RTN4: variants seen among roughly 807,000 people sequenced by gnomAD.
RTN4 encodes reticulon 4.
In RTN4, 32 loss-of-function variants were observed where a neutral mutation model predicts 90.4. The observed-to-expected ratio is 0.35, with a 90% CI of 0.27 to 0.48. RTN4 has a LOEUF of 0.48. RTN4 is among the 20% of genes least tolerant of loss of function. The pLI is 0.99. For missense variants in RTN4, 1,706 were observed against 1,430.2 expected (o/e 1.19, Z -3.11); for synonymous variants, 629 against 552.5 (o/e 1.14, Z -1.94).
intron 3 of RTN4, among the ~76,000 whole-genome samples, chr2:54,988,645 G>T (rs1678768687): frequency 1.3e-5 from 2 of 151,998 alleles, no homozygotes. Flanking sequence ...AAAACAAACA[G>T]CCTTTCGATT....
In RTN4 at chr2:54,973,016, C is replaced by T. The variant is rs199657090; in HGVS notation, c.*140G>A. 6 of 645,190 alleles carry T rather than the reference C, an allele frequency of 9.3e-6. No homozygotes were observed. The highest frequency in any genetic ancestry group is 2.5e-4 in the Middle Eastern group (1 of 3,978). 40.0% of individuals were successfully genotyped at this position (645,190 alleles called of 1,614,324 possible). On this transcript the variant is annotated 3_prime_UTR_variant, in exon 9 of 9. Transcript: ENST00000337526. ...CAGGTAATTTTTCCTCACAACAGTG[C>T]ATGGCTAAAAATAAAGATCTAACAA... is the stretch of plus-strand genomic sequence containing the variant.
At chr2:55,044,143 C>G (rs1683257630) in intron 1 of RTN4, among the ~76,000 whole-genome samples, 1 of 152,012 alleles carries the variant, frequency 6.6e-6, no homozygotes, top group African/African-American at 2.4e-5. Context: ...TGCAGTGAGC[C>G]AAGACTGCAC....
upstream of RTN4, among the ~76,000 whole-genome samples, chr2:55,053,610 T>C (rs1473625637): frequency 6.7e-6 from 1 of 150,226 alleles, no homozygotes; most frequent in African/African-American, 2.5e-5. Context: ...TGCTTGGACC[T>C]GAGAGGCAGG....
At chr2:55,134,235 T>C in the RTN4 span, among the ~76,000 whole-genome samples, 4 of 152,324 alleles carry the variant, frequency 2.6e-5, no homozygotes, top group East Asian at 7.7e-4. Flanking sequence ...TGATTTTCAC[T>C]TGCCTCTTTA....
the RTN4 span, among the ~76,000 whole-genome samples, chr2:55,118,651 A>G: frequency 1.3e-5 from 2 of 152,184 alleles, no homozygotes; most frequent in African/African-American, 4.8e-5. Context: ...ATCTGTGTCA[A>G]GTTGAATCTT....
In RTN4 at chr2:55,049,993, T is replaced by C; in HGVS notation, c.308A>G (p.Glu103Gly). Residue 103 changes from glutamate to glycine, a missense_variant, in exon 1 of 9, where the codon GAG becomes GGG. Physicochemically the swap from Glu to Gly is moderately conservative, Grantham distance 98. Transcript: ENST00000337526. Reference protein sequence around the residue: ...PLPAAPPVAPERQPSWDPSPV... With the variant: ...PLPAAPPVAPGRQPSWDPSPV... ...GCTCGGGTCCCAAGACGGCTGCCGC[T>C]CCGGGGCGACGGGGGGAGCGGCCGG... is the stretch of plus-strand genomic sequence containing the variant. 1 of 1,373,272 alleles carries C rather than the reference T, an allele frequency of 7.3e-7. No individual in the cohort carries two copies. Among genetic ancestry groups the C allele is most frequent in the Non-Finnish European group, 9.3e-7 (1 of 1,071,040 alleles). The allele number at this position is 1,373,272 out of a possible 1,614,324, so 85.1% of individuals were successfully genotyped here. A position where few individuals can be genotyped will look rare whatever the true frequency, so the allele number is the denominator to read the frequency against.
chr2:55,119,942 G>C, the RTN4 span, among the ~76,000 whole-genome samples: 85 of 152,356 alleles, frequency 5.6e-4, no homozygotes, highest in African/African-American at 1.9e-3. Flanking sequence ...ATGCAGGAGG[G>C]TGAAGATGGG....
Position 55,050,306 on chromosome 2 carries a change from G to C in RTN4, c.-6C>G, listed in dbSNP as rs202179239. The C allele has an allele frequency of 5.0e-6, 7 of 1,413,920 alleles. No homozygotes were observed. In the South Asian group the frequency reaches 6.5e-5, roughly 13 times the overall value. 87.6% of individuals were successfully genotyped at this position (1,413,920 alleles called of 1,614,324 possible). The stretch of plus-strand genomic sequence containing the variant: ...GACTGGTCCAGGTCTTCCATGGCTG[G>C]AGGGTGGAGATGATGCTGCAGCTGC... On this transcript the variant is annotated 5_prime_UTR_variant, in exon 1 of 9. Coordinates refer to ENST00000337526, the MANE Select transcript of RTN4 (RefSeq NM_020532.5). The surrounding 1 kb of genome is among the most constrained non-coding windows in gnomAD (Gnocchi z 4.6).
chr2:55,105,555 G>A (rs749412367), intron 1 of RTN4, among the ~76,000 whole-genome samples: 2 of 152,008 alleles, frequency 1.3e-5, no homozygotes, highest in South Asian at 4.1e-4. Flanking sequence ...TTTATTTTAC[G>A]CAAGCTCTGT....
chr2:55,021,391 G>GCCC (rs150666573), intron 3 of RTN4, among the ~76,000 whole-genome samples: 1 of 143,334 alleles, frequency 7.0e-6, no homozygotes, highest in African/African-American at 2.5e-5. Context: ...CTTTTTCCCT[G>GCCC]CCCCCCCCGC....
intron 2 of RTN4, among the ~76,000 whole-genome samples, chr2:55,062,455 G>T (rs1290706533): frequency 1.3e-5 from 2 of 152,206 alleles, no homozygotes; most frequent in African/African-American, 4.8e-5. Context: ...GCGTCTGTGT[G>T]CTCCCCTAGA....
upstream of RTN4, among the ~76,000 whole-genome samples, chr2:55,113,178 C>T (rs1042487724): frequency 6.6e-6 from 1 of 152,184 alleles, no homozygotes; most frequent in East Asian, 1.9e-4. Context: ...AGGCCACCAC[C>T]AAAAGAAGCC....
At chr2:54,997,465 T>C (rs530697506) in intron 3 of RTN4, among the ~76,000 whole-genome samples, 1 of 152,302 alleles carries the variant, frequency 6.6e-6, no homozygotes, top group Non-Finnish European at 1.5e-5. Context: ...GAAAATTAAA[T>C]ACAGAGTTAT....
chr2:54,985,508 T>G lies in RTN4; in HGVS notation c.3221+1983A>C, dbSNP rs368628267. Among the ~76,000 whole-genome samples the G allele has an allele frequency of 3.3e-5, 5 of 152,128 alleles. No individual in the cohort carries two copies. In the East Asian group the frequency reaches 9.6e-4, roughly 29 times the overall value. On this transcript the variant is annotated intron_variant, in intron 4 of 8. Transcript: ENST00000337526. ...ATTTCAAGTTACTGAATTCCAACTT[T>G]TTCCCCATCACCCCATAAAATGGAG... is the stretch of plus-strand genomic sequence containing the variant.
At chr2:54,974,378 C>G (rs776440466) in intron 6 of RTN4, among the ~76,000 whole-genome samples, 2 of 152,236 alleles carry the variant, frequency 1.3e-5, no homozygotes, top group Non-Finnish European at 2.9e-5. Context: ...CTCTTGGGCT[C>G]AAGTGATTCT....
chr2:55,110,000 G>A (rs546149130), intron 1 of RTN4, among the ~76,000 whole-genome samples: 6 of 152,158 alleles, frequency 3.9e-5, no homozygotes, highest in Admixed American at 3.9e-4. Context: ...AATAGTGAAA[G>A]GAACAAAAGA....
chr2:55,059,736 A>G (rs1668256075), intron 2 of RTN4, among the ~76,000 whole-genome samples: 1 of 151,994 alleles, frequency 6.6e-6, no homozygotes, highest in Admixed American at 6.5e-5. Context: ...CAGGAGGCTG[A>G]GGCAGGAGAA....
In RTN4 at chr2:55,049,851, G is replaced by A; in HGVS notation, c.450C>T (p.Ser150=). 7.6e-7 allele frequency: 1 copy of A among 1,311,064 alleles called. No individual in the cohort carries two copies. Among genetic ancestry groups the A allele is most frequent in the Non-Finnish European group, 9.7e-7 (1 of 1,032,990 alleles). The allele number at this position is 1,311,064 out of a possible 1,614,324, so 81.2% of individuals were successfully genotyped here. A position where few individuals can be genotyped will look rare whatever the true frequency, so the allele number is the denominator to read the frequency against. Residue 150 remains serine (S), a synonymous_variant, in exon 1 of 9, where the codon AGC becomes AGT. Coordinates refer to ENST00000337526, the MANE Select transcript of RTN4 (RefSeq NM_020532.5). The stretch of plus-strand genomic sequence containing the variant: ...ACACGGGCTCTGCCTGGGGGCTCAC[G>A]CTGGCCGGGGGAGGAGGGGGAGGCC... The part of the protein sequence containing the change: ...PARPPPPPPA[S]VSPQAEPVWT...
At chr2:55,078,546 G>A (rs192398413) in intron 2 of RTN4, among the ~76,000 whole-genome samples, 2 of 152,298 alleles carry the variant, frequency 1.3e-5, no homozygotes, top group East Asian at 3.9e-4. Flanking sequence ...CCTCATAGGA[G>A]ACTTTAGCCT....
Sources: gnomAD v4.1 joint callset for allele counts (sites outside exome capture counted in the v4.1 genomes callset) on GRCh38, gnomAD v4.1.1 for gene constraint, Gnocchi (gnomAD v3.1) non-coding constraint, MANE v1.5 for transcripts, NCBI Gene and HGNC (gene_info 2026-07-23, HGNC 2026-07-21) for gene names.